TEX26: variants seen among roughly 807,000 people sequenced by gnomAD.
TEX26 encodes testis-expressed protein 26.
In TEX26, 34 loss-of-function variants were observed where a neutral mutation model predicts 35.3. The ratio of observed to expected loss-of-function variants is 0.96; its 90% CI spans 0.73 to 1.28. The LOEUF is 1.28. TEX26 is among the 50% of genes most tolerant of loss of function. The pLI, the probability that TEX26 is intolerant of heterozygous loss-of-function variation, is 0.00. For synonymous variants in TEX26, 136 were observed against 111.8 expected (o/e 1.22, Z -1.36); for missense variants, 371 against 330.1 (o/e 1.12, Z -0.96).
At chr13:30,941,316 G>A (rs1953501357) in intron 2 of TEX26, among the ~76,000 whole-genome samples, 1 of 152,176 alleles carries the variant, frequency 6.6e-6, no homozygotes, top group Admixed American at 6.5e-5. Context: ...CCGTAACTGG[G>A]AAATTTTATC....
chr13:30,959,629 T>C (rs1318693541), intron 4 of TEX26, among the ~76,000 whole-genome samples: 1 of 152,264 alleles, frequency 6.6e-6, no homozygotes, highest in Non-Finnish European at 1.5e-5. Context: ...AATTAATTGT[T>C]TTTCTCTACG....
At chr13:30,962,295 G>A (rs904054468) in intron 4 of TEX26, among the ~76,000 whole-genome samples, 5 of 152,130 alleles carry the variant, frequency 3.3e-5, no homozygotes, top group Non-Finnish European at 5.9e-5. Flanking sequence ...GTACAATCTG[G>A]TCCTGGCCGC....
intron 6 of TEX26, among the ~76,000 whole-genome samples, chr13:30,971,886 C>G (rs1954724073): frequency 6.6e-6 from 1 of 152,194 alleles, no homozygotes; most frequent in Non-Finnish European, 1.5e-5. Context: ...AGCTATGGCT[C>G]CCTTCCCATC....
intron 1 of TEX26, among the ~76,000 whole-genome samples, chr13:30,938,113 T>C (rs752490546): frequency 3.3e-5 from 5 of 152,192 alleles, no homozygotes; most frequent in Non-Finnish European, 5.9e-5. Context: ...GAGAACATTG[T>C]GTATTCAAAA....
intron 1 of TEX26, among the ~76,000 whole-genome samples, chr13:30,937,485 C>T (rs564155716): frequency 1.3e-4 from 19 of 151,154 alleles, no homozygotes; most frequent in Admixed American, 2.0e-4. Context: ...AGTCCAATGC[C>T]GAAGTTCAAA....
intron 2 of TEX26, among the ~76,000 whole-genome samples, chr13:30,942,440 GCAA>G (rs1953548821): frequency 6.6e-6 from 1 of 151,816 alleles, no homozygotes; most frequent in Non-Finnish European, 1.5e-5. Flanking sequence ...TTCACAGTTT[GCAA>G]ATATTTTTCT....
At chr13:30,959,712 A>G (rs530212992) in intron 4 of TEX26, among the ~76,000 whole-genome samples, 1 of 152,308 alleles carries the variant, frequency 6.6e-6, no homozygotes, top group South Asian at 2.1e-4. Flanking sequence ...TTTTTTCCAA[A>G]CACAATGACA....
At chr13:30,953,244 A>G (rs1953998996) in intron 3 of TEX26, among the ~76,000 whole-genome samples, 1 of 151,994 alleles carries the variant, frequency 6.6e-6, no homozygotes, top group Non-Finnish European at 1.5e-5. Context: ...TCCGTGGATT[A>G]CCTTTTGTGG....
chr13:30,939,777 C>A lies in TEX26; in HGVS notation c.145C>A (p.Arg49Ser). 1 of 1,612,542 alleles carries A rather than the reference C, an allele frequency of 6.2e-7. No individual in the cohort carries two copies. The highest frequency in any genetic ancestry group is 1.1e-5 in the South Asian group (1 of 90,992). Residue 49 changes from arginine (R) to serine (S), a missense_variant and splice_region_variant, in exon 2 of 7, where the codon CGC (arginine) becomes AGC (serine). By Grantham distance (110) the Arg-to-Ser change is moderately radical. Coordinates refer to ENST00000380473, the MANE Select transcript of TEX26 (RefSeq NM_152325.3). ...PKTGAVPALI[R>S]QNGIRRLGYT... is the part of the protein sequence containing the mutation. Reference sequence around the variant, plus strand: ...AACAGGAGCAGTGCCTGCCTTAATTCGGTAGATCATTATTTGTGTTGGATT... The same window carrying A: ...AACAGGAGCAGTGCCTGCCTTAATTAGGTAGATCATTATTTGTGTTGGATT...
chr13:30,948,159 T>C lies in TEX26; in HGVS notation c.147-4501T>C, dbSNP rs1953785332. On this transcript the variant is annotated intron_variant, in intron 2 of 6. Coordinates refer to ENST00000380473, the MANE Select transcript of TEX26 (RefSeq NM_152325.3). ...TATCATTGTGGGACATTTGGGTTGG[T>C]TCCTAGTCTTTGCTATTGTGAATAG... Among the ~76,000 whole-genome samples, 4 of 152,192 alleles carry C rather than the reference T, an allele frequency of 2.6e-5. No homozygotes were observed. The South Asian group carries it at 8.3e-4, about 32-fold the overall frequency.
chr13:30,963,446 T>C (rs930592154), intron 4 of TEX26, among the ~76,000 whole-genome samples: 3 of 152,170 alleles, frequency 2.0e-5, no homozygotes, highest in African/African-American at 4.8e-5. Flanking sequence ...ATGAAGCTCA[T>C]TAACACAACA....
intron 2 of TEX26, among the ~76,000 whole-genome samples, chr13:30,951,035 T>G (rs1264949491): frequency 6.6e-6 from 1 of 152,058 alleles, no homozygotes; most frequent in Non-Finnish European, 1.5e-5. Context: ...TTTTAAAGAT[T>G]TTTGTGACTA....
chr13:30,964,601 T>A (rs1000908741), intron 4 of TEX26, among the ~76,000 whole-genome samples: 4 of 152,198 alleles, frequency 2.6e-5, no homozygotes, highest in African/African-American at 9.7e-5. Flanking sequence ...AGTGAAAAAG[T>A]CAAGTGTCTT....
chr13:30,951,732 TTTAAAAA>T (rs1953928313), intron 2 of TEX26, among the ~76,000 whole-genome samples: 1 of 152,206 alleles, frequency 6.6e-6, no homozygotes, highest in South Asian at 2.1e-4. Context: ...ATAAGGATGT[TTTAAAAA>T]TATGTAACAA....
chr13:30,966,048 C>T (rs973702765), intron 4 of TEX26, among the ~76,000 whole-genome samples, 174 bp from the exon 5 acceptor site: 1 of 152,146 alleles, frequency 6.6e-6, no homozygotes, highest in Admixed American at 6.5e-5. Flanking sequence ...TCACTAGAGA[C>T]CACTTCTGAT....
At chr13:30,936,867 A>T (rs1353230125) in intron 1 of TEX26, 4 of 985,354 alleles carry the variant, frequency 4.1e-6, no homozygotes, top group Admixed American at 6.1e-5. Context: ...TACTAGGAAC[A>T]GATTTTCAGA....
chr13:30,946,681 C>T (rs188019235), intron 2 of TEX26, among the ~76,000 whole-genome samples: 38 of 151,936 alleles, frequency 2.5e-4, no homozygotes, highest in African/African-American at 8.7e-4. Context: ...CCTAATTTGG[C>T]TCTTGGTGCT....
At chr13:30,937,105 G>C (rs1953300138) in intron 1 of TEX26, 1 of 541,132 alleles carries the variant, frequency 1.8e-6, no homozygotes, top group African/African-American at 2.1e-5. Context: ...TGGAGGGTGT[G>C]CCTGATCTGT....
intron 1 of TEX26, among the ~76,000 whole-genome samples, chr13:30,936,468 CT>C (rs1409750820): frequency 2.6e-5 from 4 of 152,208 alleles, no homozygotes; most frequent in Admixed American, 1.3e-4. Context: ...TTTCAAACAT[CT>C]ACTAAATTAA....
Sources: gnomAD v4.1 joint callset for allele counts (sites outside exome capture counted in the v4.1 genomes callset) on GRCh38, gnomAD v4.1.1 for gene constraint, MANE v1.5 for transcripts, NCBI Gene and HGNC (gene_info 2026-07-23, HGNC 2026-07-21) for gene names.